The following SGCD variants were observed in gnomAD, a reference collection of about 807,000 sequenced individuals.
SGCD encodes the protein sarcoglycan delta, also known as delta-sarcoglycan.
Under a neutral mutation model 36.6 loss-of-function variants are expected in SGCD, and 18 were observed. The observed-to-expected ratio is 0.49, with a 90% confidence interval of 0.34 to 0.73. SGCD has a LOEUF of 0.73. SGCD is among the 30% of genes least tolerant of loss of function. SGCD has a pLI of 0.01. For missense variants in SGCD, 387 were observed against 346.7 expected (o/e 1.12, Z -0.92); for synonymous variants, 133 against 130.6 (o/e 1.02, Z -0.12).
intron 1 of SGCD, among the ~76,000 whole-genome samples, chr5:156,101,436 A>T (rs540995763): frequency 1.1e-4 from 17 of 152,320 alleles, no homozygotes; most frequent in African/African-American, 3.4e-4. Context: ...AGCTAAGGAA[A>T]GCTGTGAGTC....
In SGCD at chr5:155,909,585, G is replaced by T. The variant is rs555349976; in HGVS notation, c.-282+39161G>T. Among the ~76,000 whole-genome samples the T allele has an allele frequency of 3.0e-4, 45 of 152,224 alleles. 1 individual carries two copies. The South Asian group carries it at 9.1e-3, about 31-fold the overall frequency. ...ATAAGATTACAAGAACCAAAGCAGA[G>T]ATTATAGAGTATTTTAGACTGGGCT... On this transcript the variant is annotated intron_variant, in intron 1 of 9. Coordinates refer to the SGCD transcript ENST00000517913.
intron 3 of SGCD, among the ~76,000 whole-genome samples, chr5:156,345,316 A>T (rs555230850): frequency 2.0e-5 from 3 of 152,216 alleles, no homozygotes; most frequent in Non-Finnish European, 4.4e-5. Flanking sequence ...CCCTGTACAG[A>T]CTGGACATTT....
At chr5:156,264,044 T>C (rs1765939483) in intron 3 of SGCD, among the ~76,000 whole-genome samples, 1 of 151,810 alleles carries the variant, frequency 6.6e-6, no homozygotes, top group Admixed American at 6.6e-5. Context: ...GTTGTTTAGA[T>C]TGATTGTAAA....
At chr5:155,958,989 A>T (rs1757727461) in intron 1 of SGCD, among the ~76,000 whole-genome samples, 1 of 152,074 alleles carries the variant, frequency 6.6e-6, no homozygotes, top group African/African-American at 2.4e-5. Context: ...CAAATTTGGG[A>T]GTTTATTGTC....
chr5:155,837,288 G>T, the SGCD span, among the ~76,000 whole-genome samples: 20 of 152,050 alleles, frequency 1.3e-4, no homozygotes, highest in African/African-American at 4.8e-4. Context: ...CTCCTGAGTA[G>T]CTGGGACTGC....
At chr5:156,459,926 A>G (rs1174929511) in intron 3 of SGCD, among the ~76,000 whole-genome samples, 1 of 152,174 alleles carries the variant, frequency 6.6e-6, no homozygotes, top group Non-Finnish European at 1.5e-5. Context: ...TCTTCTTTAG[A>G]TAACCCCTCC....
chr5:156,531,720 T>C (rs1561759307), intron 4 of SGCD, among the ~76,000 whole-genome samples: 1 of 152,118 alleles, frequency 6.6e-6, no homozygotes, highest in African/African-American at 2.4e-5. Flanking sequence ...ATAGTAGCCA[T>C]AGTCTTATAT....
intron 3 of SGCD, among the ~76,000 whole-genome samples, chr5:156,171,827 T>C (rs1044973415): frequency 2.6e-5 from 4 of 152,184 alleles, no homozygotes; most frequent in African/African-American, 9.7e-5. Flanking sequence ...CCAGGGCACA[T>C]ACAGTTCAAT....
the SGCD span, among the ~76,000 whole-genome samples, chr5:155,861,323 G>T: frequency 2.0e-5 from 3 of 152,186 alleles, no homozygotes; most frequent in Non-Finnish European, 2.9e-5. Flanking sequence ...ATTGCACAAT[G>T]TCTTCATCTT....
intron 1 of SGCD, among the ~76,000 whole-genome samples, chr5:156,117,024 T>C (rs1761921603): frequency 6.6e-6 from 1 of 151,962 alleles, no homozygotes; most frequent in Non-Finnish European, 1.5e-5. Flanking sequence ...CTTGCCACCA[T>C]AGAGTTAACA....
Position 156,331,879 on chromosome 5 carries a change from C to T in SGCD, c.3+2300C>T, listed in dbSNP as rs187070243. On this transcript the variant is annotated intron_variant, in intron 2 of 8. Transcript: ENST00000337851. ...ATAAGGACAGCGGGGAACAGAGCCA[C>T]GCTGTGTTCCTTTCATTCCTATCGT... 3.3e-5 allele frequency among the ~76,000 whole-genome samples: 5 copies of T among 152,294 alleles called. No homozygotes were observed. In the South Asian group the frequency reaches 6.2e-4, roughly 19 times the overall value.
intron 3 of SGCD, among the ~76,000 whole-genome samples, chr5:156,454,985 C>T (rs1244810076): frequency 6.6e-6 from 1 of 152,134 alleles, no homozygotes; most frequent in African/African-American, 2.4e-5. Context: ...TGCAATGTGC[C>T]TTCAGGAGAG....
chr5:156,462,160 C>A lies in SGCD; in HGVS notation c.193-46441C>A, dbSNP rs112117300. On this transcript the variant is annotated intron_variant, in intron 3 of 8. Transcript: ENST00000337851. ...GCTTTTCCTCTTGTTCAAATGAGGC[C>A]TTGGCCTTTTAGTTCCATGGCCCAG... 4.0e-3 allele frequency among the ~76,000 whole-genome samples: 606 copies of A among 152,218 alleles called. 2 individuals are homozygous for A. The highest frequency in any genetic ancestry group is 0.014 in the African/African-American group (573 of 41,564).
chr5:156,318,357 G>A (rs1365793702), intron 3 of SGCD, among the ~76,000 whole-genome samples: 1 of 152,122 alleles, frequency 6.6e-6, no homozygotes, highest in Non-Finnish European at 1.5e-5. Context: ...AGCCCAACAG[G>A]TATAATTTTG....
At chr5:155,806,705 G>T in the SGCD span, among the ~76,000 whole-genome samples, 1 of 152,114 alleles carries the variant, frequency 6.6e-6, no homozygotes, top group South Asian at 2.1e-4. Flanking sequence ...TGAGTATTCA[G>T]GAGTAATCAT....
intron 3 of SGCD, among the ~76,000 whole-genome samples, chr5:156,482,576 CTA>C (rs978742120): frequency 2.0e-5 from 3 of 152,070 alleles, no homozygotes; most frequent in Admixed American, 6.5e-5. Context: ...ATAAGAAGCT[CTA>C]TGTTCTCTTT....
chr5:156,433,365 C>G (rs996812695), intron 3 of SGCD, among the ~76,000 whole-genome samples: 1 of 152,120 alleles, frequency 6.6e-6, no homozygotes, highest in Non-Finnish European at 1.5e-5. Flanking sequence ...TACTGCCTTC[C>G]CCAAACACCA....
At chr5:156,003,303 G>T (rs957578357) in intron 1 of SGCD, among the ~76,000 whole-genome samples, 7 of 152,184 alleles carry the variant, frequency 4.6e-5, no homozygotes, top group Admixed American at 2.0e-4. Context: ...ATCCCAGCAC[G>T]TAGCAGTGTG....
chr5:156,615,844 A>C (rs1044903797), intron 6 of SGCD, among the ~76,000 whole-genome samples: 1 of 152,222 alleles, frequency 6.6e-6, no homozygotes, highest in African/African-American at 2.4e-5. Flanking sequence ...TGGGAGAGAG[A>C]GAGTTTAGAA....
Sources: gnomAD v4.1 joint callset for allele counts (sites outside exome capture counted in the v4.1 genomes callset) on GRCh38, gnomAD v4.1.1 for gene constraint, MANE v1.5 for transcripts, NCBI Gene and HGNC (gene_info 2026-07-23, HGNC 2026-07-21) for gene names.